CTNND2: variants seen among roughly 807,000 people sequenced by gnomAD.
The protein encoded by CTNND2 is catenin delta 2.
Under a neutral mutation model 144.4 loss-of-function variants are expected in CTNND2, and 22 were observed. The ratio of observed to expected loss-of-function variants is 0.15; its 90% CI spans 0.11 to 0.22. The LOEUF is 0.22. CTNND2 is among the 10% of genes least tolerant of loss of function. The pLI, the probability that CTNND2 is intolerant of heterozygous loss-of-function variation, is 1.00. For synonymous variants in CTNND2, 751 were observed against 695.6 expected (o/e 1.08, Z -1.25); for missense variants, 1,353 against 1,618.8 (o/e 0.84, Z 2.82).
At chr5:11,746,464 T>A (rs1788322662) in intron 1 of CTNND2, among the ~76,000 whole-genome samples, 1 of 152,096 alleles carries the variant, frequency 6.6e-6, no homozygotes, top group Admixed American at 6.5e-5. Flanking sequence ...ACTGTGATGA[T>A]CTTATCTCTT....
At chr5:11,579,516 G>A (rs976823675) in intron 2 of CTNND2, among the ~76,000 whole-genome samples, 3 of 152,040 alleles carry the variant, frequency 2.0e-5, no homozygotes, top group Non-Finnish European at 4.4e-5. Context: ...GACCACAGGG[G>A]AAAAAATAAA....
At chr5:11,298,437 C>G (rs929845186) in intron 9 of CTNND2, among the ~76,000 whole-genome samples, 13 of 152,204 alleles carry the variant, frequency 8.5e-5, no homozygotes, top group African/African-American at 3.1e-4. Context: ...TCCCAAAGTT[C>G]TGGAATTACA....
intron 18 of CTNND2, among the ~76,000 whole-genome samples, chr5:10,997,420 C>T (rs1277431238): frequency 6.6e-6 from 1 of 151,952 alleles, no homozygotes; most frequent in East Asian, 1.9e-4. Context: ...GGTGAAACCC[C>T]GTCTTTACCA....
chr5:11,704,434 T>C (rs1785600345), intron 2 of CTNND2, among the ~76,000 whole-genome samples: 1 of 152,184 alleles, frequency 6.6e-6, no homozygotes, highest in African/African-American at 2.4e-5. Context: ...GATGAAAATA[T>C]GAATGAGTGC....
chr5:11,612,044 C>T (rs1395344739), intron 2 of CTNND2, among the ~76,000 whole-genome samples: 2 of 135,732 alleles, frequency 1.5e-5, no homozygotes, highest in Non-Finnish European at 3.2e-5. Flanking sequence ...TACAGAAATC[C>T]TAATATCAGG....
At chr5:11,729,986 G>GCATCTTTCTTCTC (rs1787247887) in intron 2 of CTNND2, among the ~76,000 whole-genome samples, 1 of 99,580 alleles carries the variant, frequency 1.0e-5, no homozygotes, top group African/African-American at 7.8e-5. Context: ...TCTTTCTTCT[G>GCATCTTTCTTCTC]TTTATATCTT....
intron 16 of CTNND2, among the ~76,000 whole-genome samples, chr5:11,067,649 G>T (rs899214240): frequency 2.0e-5 from 3 of 152,222 alleles, no homozygotes; most frequent in Non-Finnish European, 4.4e-5. Context: ...CTTGAGTGGG[G>T]CAGGAAACCC....
At chr5:11,673,385 AAT>A (rs1784009122) in intron 2 of CTNND2, among the ~76,000 whole-genome samples, 1 of 152,198 alleles carries the variant, frequency 6.6e-6, no homozygotes, top group Non-Finnish European at 1.5e-5. Flanking sequence ...TTTAAATCCC[AAT>A]ATGTTATAAA....
chr5:11,512,826 T>C (rs560831140), intron 3 of CTNND2, among the ~76,000 whole-genome samples: 1 of 152,180 alleles, frequency 6.6e-6, no homozygotes, highest in Non-Finnish European at 1.5e-5. Context: ...TGTGACTGCA[T>C]GGTACATTCA....
intron 2 of CTNND2, among the ~76,000 whole-genome samples, chr5:11,609,737 C>A (rs927574029): frequency 2.6e-5 from 4 of 152,170 alleles, no homozygotes; most frequent in African/African-American, 9.7e-5. Context: ...GAGGATGTGT[C>A]TTGGCAAAGC....
chr5:11,083,930 A>G (rs1279621156), intron 15 of CTNND2: 6 of 1,150,764 alleles, frequency 5.2e-6, no homozygotes, highest in Non-Finnish European at 4.4e-6. Context: ...GGCATATGCC[A>G]TGCCTGCCAC....
At chr5:11,493,879 G>A (rs180743969) in intron 3 of CTNND2, among the ~76,000 whole-genome samples, 1 of 152,078 alleles carries the variant, frequency 6.6e-6, no homozygotes, top group Admixed American at 6.5e-5. Context: ...TAGGAAAAAG[G>A]TTAAGGATAT....
chr5:11,352,365 C>T (rs1419171327), intron 8 of CTNND2, among the ~76,000 whole-genome samples: 1 of 152,082 alleles, frequency 6.6e-6, no homozygotes, highest in Non-Finnish European at 1.5e-5. Context: ...CCTTAAATAG[C>T]TCTCATAGTT....
chr5:11,569,125 T>C lies in CTNND2; in HGVS notation c.175-4069A>G, dbSNP rs78849607. Among the ~76,000 whole-genome samples the C allele has an allele frequency of 1.1e-4, 17 of 152,264 alleles. No homozygotes were observed. The East Asian group carries it at 3.3e-3, about 29-fold the overall frequency. ...GGTAATTCTGGTGGAGATGTGGTGATGTAAATCAGGCTGCATAAAATGTAA... is the reference window on the plus strand; with the variant it reads ...GGTAATTCTGGTGGAGATGTGGTGACGTAAATCAGGCTGCATAAAATGTAA... On this transcript the variant is annotated intron_variant, in intron 2 of 21. Transcript: ENST00000304623.
chr5:11,034,722 T>C (rs980892444), intron 16 of CTNND2, among the ~76,000 whole-genome samples: 1 of 152,172 alleles, frequency 6.6e-6, no homozygotes, highest in African/African-American at 2.4e-5. Context: ...TTCAAAGTTA[T>C]AACTCATGAA....
At chr5:11,848,818 C>A (rs1415816559) in intron 1 of CTNND2, among the ~76,000 whole-genome samples, 1 of 152,064 alleles carries the variant, frequency 6.6e-6, no homozygotes, top group East Asian at 1.9e-4. Context: ...TTCTCTTGTC[C>A]AGGATGATTC....
chr5:11,557,295 T>C (rs1776308237), intron 3 of CTNND2, among the ~76,000 whole-genome samples: 1 of 152,180 alleles, frequency 6.6e-6, no homozygotes, highest in Non-Finnish European at 1.5e-5. Context: ...TGTAAAACTC[T>C]GTTTGGAGTT....
chr5:11,340,588 T>A (rs1754154098), intron 9 of CTNND2, among the ~76,000 whole-genome samples: 1 of 152,196 alleles, frequency 6.6e-6, no homozygotes. Flanking sequence ...AAGATTTCTA[T>A]AGTATCAAAT....
At position 11,411,536 on chromosome 5, in the gene CTNND2, T is replaced by C. The variant is rs771691265; in HGVS notation, c.439A>G (p.Arg147Gly). The C allele has an allele frequency of 1.3e-6, 2 of 1,533,136 alleles. No homozygotes were observed. The highest frequency in any genetic ancestry group is 1.8e-6 in the Non-Finnish European group (2 of 1,110,846). 95.0% of individuals were successfully genotyped at this position (1,533,136 alleles called of 1,614,324 possible). A position where few individuals can be genotyped will look rare whatever the true frequency, so the allele number is the denominator to read the frequency against. ...CAAGCATAACTGCCACGTGACTTACTTTCACCTGTAGAATAATCCTGTGGG... is the reference window on the plus strand; with the variant it reads ...CAAGCATAACTGCCACGTGACTTACCTTCACCTGTAGAATAATCCTGTGGG... ...LDPQDYSTGE[R>G]PSLLSQSALQ... Residue 147 changes from arginine to glycine, a missense_variant and splice_region_variant, in exon 5 of 22, where the codon AGG (arginine) becomes GGG (glycine). By Grantham distance (125) the Arg-to-Gly change is moderately radical. Around this residue, in one of 4 missense-constraint regions of CTNND2, gnomAD observed 708 missense variants for 706.4 expected, o/e 1.00. Coordinates refer to ENST00000304623, the MANE Select transcript of CTNND2 (RefSeq NM_001332.4).
Sources: gnomAD v4.1 joint callset for allele counts (sites outside exome capture counted in the v4.1 genomes callset) on GRCh38, gnomAD v4.1.1 for gene constraint, gnomAD v4.1.1 regional missense constraint, MANE v1.5 for transcripts, NCBI Gene and HGNC (gene_info 2026-07-23, HGNC 2026-07-21) for gene names.